The following DPP10 variants were observed in gnomAD, a reference collection of about 807,000 sequenced individuals.
DPP10 encodes dipeptidyl peptidase like 10, also known as inactive dipeptidyl peptidase 10.
Under a neutral mutation model 120.9 loss-of-function variants are expected in DPP10, and 33 were observed. The ratio of observed to expected loss-of-function variants is 0.27; its 90% CI spans 0.21 to 0.37. The LOEUF (loss-of-function observed/expected upper bound fraction) is 0.37. Among genes scored for constraint, DPP10 ranks in the 10% least tolerant of loss-of-function variants. DPP10 has a pLI of 1.00. For missense variants in DPP10, 816 were observed against 942.8 expected, an observed-to-expected ratio of 0.87 and a Z score of 1.76; for synonymous variants, 337 against 326.1, an observed-to-expected ratio of 1.03 and a Z score of -0.36.
intron 1 of DPP10, among the ~76,000 whole-genome samples, chr2:114,801,929 T>C (rs1418861725): frequency 6.6e-6 from 1 of 151,448 alleles, no homozygotes; most frequent in Non-Finnish European, 1.5e-5. Context: ...ACTCAACTTA[T>C]CAGTTCCCAA....
intron 7 of DPP10, among the ~76,000 whole-genome samples, chr2:115,705,353 G>A (rs974820925): frequency 1.3e-5 from 2 of 151,856 alleles, no homozygotes; most frequent in Non-Finnish European, 2.9e-5. Context: ...ATCAGGATGT[G>A]TTCAAGAAAT....
intron 1 of DPP10, among the ~76,000 whole-genome samples, chr2:114,961,282 G>A (rs1262318963): frequency 2.0e-5 from 3 of 151,920 alleles, no homozygotes; most frequent in Non-Finnish European, 2.9e-5. Context: ...TCGAACTCCC[G>A]ACCTCAGGTG....
intron 5 of DPP10, among the ~76,000 whole-genome samples, chr2:115,619,364 C>T (rs551129744): frequency 2.0e-4 from 31 of 152,040 alleles, no homozygotes; most frequent in African/African-American, 6.3e-4. Context: ...CGTGAGCCAT[C>T]GTGCCTGGCC....
chr2:115,733,497 A>G (rs984979494), intron 8 of DPP10, among the ~76,000 whole-genome samples: 1 of 152,092 alleles, frequency 6.6e-6, no homozygotes, highest in Non-Finnish European at 1.5e-5. Flanking sequence ...GCCAAATCCA[A>G]GACTGCAGTG....
intron 1 of DPP10, among the ~76,000 whole-genome samples, chr2:114,650,237 G>A (rs1158550842): frequency 6.6e-6 from 1 of 152,104 alleles, no homozygotes; most frequent in African/African-American, 2.4e-5. Context: ...GGTGGTTTTG[G>A]GAGATAGAAT....
At chr2:114,461,014 G>A (rs1280786690) in intron 1 of DPP10, among the ~76,000 whole-genome samples, 11 of 152,164 alleles carry the variant, frequency 7.2e-5, no homozygotes, top group Non-Finnish European at 1.6e-4. Context: ...TGTTTTGGAA[G>A]CATTCATAGT....
At chr2:115,072,950 T>C (rs1479967889) in intron 1 of DPP10, among the ~76,000 whole-genome samples, 1 of 152,038 alleles carries the variant, frequency 6.6e-6, no homozygotes, top group Non-Finnish European at 1.5e-5. Flanking sequence ...ACCCAGCTAA[T>C]TTTTGCATTT....
chr2:114,675,434 A>G lies in DPP10; in HGVS notation c.60+232596A>G, dbSNP rs556635969. 1.4e-4 allele frequency among the ~76,000 whole-genome samples: 21 copies of G among 152,300 alleles called. No individual in the cohort carries two copies. In the East Asian group the frequency reaches 3.7e-3, roughly 27 times the overall value. On this transcript the variant is annotated intron_variant, in intron 1 of 25. Transcript: ENST00000410059. ...ATATTTTGTATTTTGAGTTCTAACTAATGTTACAACCTCAAGATTGTGGCT... is the reference window on the plus strand; with the variant it reads ...ATATTTTGTATTTTGAGTTCTAACTGATGTTACAACCTCAAGATTGTGGCT...
chr2:115,583,661 C>T (rs903747819), intron 5 of DPP10, among the ~76,000 whole-genome samples: 4 of 152,172 alleles, frequency 2.6e-5, no homozygotes, highest in African/African-American at 4.8e-5. Flanking sequence ...AGTAACACCA[C>T]TTCCACTATA....
intron 1 of DPP10, among the ~76,000 whole-genome samples, chr2:114,711,156 C>T (rs7594265): frequency 0.99 from 151,513 of 152,330 alleles, 75,353 homozygotes; most frequent in Middle Eastern, 1. Context: ...TACCCATCAA[C>T]GTTTGAGTGC....
intron 1 of DPP10, among the ~76,000 whole-genome samples, chr2:114,455,156 T>TTGTGTGTGTGTGTGTG (rs141717813): frequency 1.8e-4 from 27 of 147,492 alleles, no homozygotes; most frequent in African/African-American, 6.8e-4. Flanking sequence ...TTTCTTTCTA[T>TTGTGTGTGTGTGTGTG]TGTGTGTGTG....
intron 3 of DPP10, among the ~76,000 whole-genome samples, chr2:115,427,965 A>C (rs2070632984): frequency 6.6e-6 from 1 of 152,200 alleles, no homozygotes; most frequent in Non-Finnish European, 1.5e-5. Context: ...TGCTGCTTAG[A>C]AATTTCTTCT....
chr2:115,675,694 G>A (rs893996881), intron 5 of DPP10, among the ~76,000 whole-genome samples: 1 of 152,084 alleles, frequency 6.6e-6, no homozygotes, highest in Non-Finnish European at 1.5e-5. Context: ...GGCCTCATAG[G>A]CCCTAAGTTC....
chr2:115,084,276 C>T (rs1253000914), intron 1 of DPP10, among the ~76,000 whole-genome samples: 2 of 152,128 alleles, frequency 1.3e-5, no homozygotes, highest in Non-Finnish European at 2.9e-5. Flanking sequence ...TAAAATTTAA[C>T]AACAACAAAA....
At chr2:115,485,427 A>G (rs2075715138) in intron 3 of DPP10, among the ~76,000 whole-genome samples, 1 of 152,062 alleles carries the variant, frequency 6.6e-6, no homozygotes, top group Admixed American at 6.6e-5. Flanking sequence ...AAGTATTTTC[A>G]TATATTTTAT....
At chr2:115,207,406 C>A in intron 1 of DPP10, among the ~76,000 whole-genome samples, 1 of 93,076 alleles carries the variant, frequency 1.1e-5, no homozygotes, top group African/African-American at 5.2e-5. Context: ...TTAAAGAGTG[C>A]TTACTGCACC....
At position 115,165,686 on chromosome 2, in the gene DPP10, A is replaced by T. The variant is rs556541460; in HGVS notation, c.61-143553A>T. ...TATATTTTTAATGGTCAATCAGACA[A>T]GGTTTAGAGTTTGTTCACATTTCCA... On this transcript the variant is annotated intron_variant, in intron 1 of 25. Transcript: ENST00000410059. Among the ~76,000 whole-genome samples the T allele has an allele frequency of 2.0e-5, 3 of 152,286 alleles. No individual in the cohort carries two copies. The South Asian group carries it at 6.2e-4, about 32-fold the overall frequency.
At position 115,659,524 on chromosome 2, in the gene DPP10, G is replaced by T. The variant is rs554091266; in HGVS notation, c.442-30163G>T. ...ACCGAGTCTCTAAGGCTTCAAATAT[G>T]AAAAGAAATAAAATGTGTTTGTTGT... On this transcript the variant is annotated intron_variant, in intron 5 of 25. Transcript: ENST00000410059. Among the ~76,000 whole-genome samples the T allele has an allele frequency of 1.4e-3, 214 of 152,176 alleles. 1 individual carries two copies. Among genetic ancestry groups the T allele is most frequent in the Non-Finnish European group, 2.2e-3 (149 of 67,984 alleles).
At chr2:114,793,332 G>T (rs889255485) in intron 1 of DPP10, among the ~76,000 whole-genome samples, 1 of 151,874 alleles carries the variant, frequency 6.6e-6, no homozygotes, top group South Asian at 2.1e-4. Flanking sequence ...AGTGCGTGAT[G>T]TTCCCCTCCC....
Sources: gnomAD v4.1 joint callset for allele counts (sites outside exome capture counted in the v4.1 genomes callset) on GRCh38, gnomAD v4.1.1 for gene constraint, MANE v1.5 for transcripts, NCBI Gene and HGNC (gene_info 2026-07-23, HGNC 2026-07-21) for gene names.